Variants in TBL1X observed in about 807,000 individuals in gnomAD.
TBL1X encodes the protein transducin beta like 1 X-linked.
Under a neutral mutation model 50.7 loss-of-function variants are expected in TBL1X, and 10 were observed. The ratio of observed to expected loss-of-function variants is 0.20; its 90% CI spans 0.12 to 0.33. The LOEUF is 0.33. Among genes scored for constraint, TBL1X ranks in the 10% least tolerant of loss-of-function variants. The pLI is 1.00. For missense variants in TBL1X, 340 were observed against 504.4 expected (o/e 0.67, Z 3.12); for synonymous variants, 190 against 214.7 (o/e 0.88, Z 1.01).
chrX:9,587,567 G>A (rs770606992), intron 2 of TBL1X, among the ~76,000 whole-genome samples: 1 of 111,599 alleles, frequency 9.0e-6, no homozygotes, highest in Admixed American at 9.5e-5. Context: ...TGCTTGCTTT[G>A]GGAGAAAAAT....
chrX:9,710,887 G>GT (rs1424983874), intron 15 of TBL1X, among the ~76,000 whole-genome samples: 2 of 112,029 alleles, frequency 1.8e-5, no homozygotes, highest in African/African-American at 6.5e-5. Flanking sequence ...GGCCTAAAAA[G>GT]TTTTTTAAAT....
chrX:9,502,387 A>G (rs1234873409), intron 2 of TBL1X, among the ~76,000 whole-genome samples: 1 of 112,232 alleles, frequency 8.9e-6, no homozygotes, highest in African/African-American at 3.2e-5. Context: ...GGGGCCACCC[A>G]TTATGTGTCC....
intron 9 of TBL1X, among the ~76,000 whole-genome samples, chrX:9,692,947 G>A (rs1291798579): frequency 1.7e-4 from 19 of 112,504 alleles, no homozygotes; most frequent in Non-Finnish European, 3.8e-5. Context: ...TGACACATGG[G>A]ATGCACACAG....
intron 2 of TBL1X, among the ~76,000 whole-genome samples, chrX:9,503,162 G>A (rs1010814641): frequency 4.5e-5 from 5 of 112,301 alleles, no homozygotes; most frequent in African/African-American, 1.6e-4. Context: ...GACCCACAGA[G>A]AGAAGGAAGA....
intron 1 of TBL1X, among the ~76,000 whole-genome samples, chrX:9,477,494 A>G (rs2081855717): frequency 8.9e-6 from 1 of 111,911 alleles, no homozygotes; most frequent in Admixed American, 9.5e-5. Flanking sequence ...ACTTAGATAC[A>G]TTGTGTATTC....
intron 2 of TBL1X, among the ~76,000 whole-genome samples, chrX:9,550,380 G>A (rs764949944): frequency 1.8e-5 from 2 of 112,113 alleles, no homozygotes; most frequent in South Asian, 3.7e-4. Flanking sequence ...TGATATTTAC[G>A]TAACCTACAA....
At chrX:9,663,965 GAC>G (rs2146609272) in intron 5 of TBL1X, among the ~76,000 whole-genome samples, 1 of 66,055 alleles carries the variant, frequency 1.5e-5, no homozygotes, top group East Asian at 4.5e-4. Context: ...CTTGACCAGA[GAC>G]ACAGTTCCAC....
intron 1 of TBL1X, among the ~76,000 whole-genome samples, chrX:9,491,237 C>T (rs184301049): frequency 0.023 from 2,348 of 104,031 alleles, 73 homozygotes; most frequent in African/African-American, 0.079. Flanking sequence ...CCTGCCTAGG[C>T]CTTCCAAAGT....
chrX:9,660,061 C>T (rs2082888611), intron 5 of TBL1X, among the ~76,000 whole-genome samples: 1 of 112,794 alleles, frequency 8.9e-6, no homozygotes, highest in African/African-American at 3.2e-5. Flanking sequence ...CTCATCAGCC[C>T]TCCGGTGGAT....
chrX:9,551,573 C>T (rs773230796), intron 2 of TBL1X, among the ~76,000 whole-genome samples: 1 of 111,271 alleles, frequency 9.0e-6, no homozygotes, highest in South Asian at 3.8e-4. Context: ...CCCTCAGCTT[C>T]CTGGTGTGGA....
At chrX:9,469,781 C>G (rs2081801355) in intron 1 of TBL1X, among the ~76,000 whole-genome samples, 1 of 111,959 alleles carries the variant, frequency 8.9e-6, no homozygotes, top group East Asian at 2.8e-4. Flanking sequence ...TCACCCCCCC[C>G]AGCCCCGAAT....
intron 2 of TBL1X, among the ~76,000 whole-genome samples, chrX:9,568,562 G>A (rs1424249572): frequency 9.4e-6 from 1 of 106,341 alleles, no homozygotes; most frequent in East Asian, 2.9e-4. Flanking sequence ...TCTGTGTGGT[G>A]TGCTCTGTGT....
chrX:9,546,678 C>G (rs1370208563), intron 2 of TBL1X, among the ~76,000 whole-genome samples: 3 of 111,234 alleles, frequency 2.7e-5, no homozygotes, highest in Non-Finnish European at 5.7e-5. Context: ...TGATCTAGTA[C>G]ATTTTTGGTC....
chrX:9,560,060 C>T (rs773429329), intron 2 of TBL1X, among the ~76,000 whole-genome samples: 2 of 111,781 alleles, frequency 1.8e-5, no homozygotes, highest in Non-Finnish European at 3.8e-5. Context: ...ATATCCTTCA[C>T]CCCATTTTTA....
At chrX:9,486,372 T>C (rs780511583) in intron 1 of TBL1X, among the ~76,000 whole-genome samples, 1 of 110,046 alleles carries the variant, frequency 9.1e-6, no homozygotes, top group South Asian at 4.0e-4. Context: ...CAGCTAGGAC[T>C]ACAGGTGTGT....
intron 2 of TBL1X, among the ~76,000 whole-genome samples, chrX:9,565,250 T>C (rs1372362916): frequency 3.3e-4 from 24 of 73,465 alleles, no homozygotes; most frequent in South Asian, 2.6e-3. Context: ...CCAGCCTGGG[T>C]GGCAGAGCGA....
At chrX:9,628,620 C>T (rs897283149) in intron 2 of TBL1X, among the ~76,000 whole-genome samples, 1 of 108,468 alleles carries the variant, frequency 9.2e-6, no homozygotes, top group Non-Finnish European at 1.9e-5. Context: ...GATCTCAGCT[C>T]ACTGGCAACC....
At chrX:9,548,867 G>C (rs994137121) in intron 2 of TBL1X, among the ~76,000 whole-genome samples, 12 of 112,898 alleles carry the variant, frequency 1.1e-4, no homozygotes, top group African/African-American at 3.9e-4. Context: ...TTCTTGATAC[G>C]CACATTTATG....
rs775166743 is a variant in TBL1X, at chrX:9,688,094, G to A, written c.435G>A (p.Thr145=). 1.8e-5 allele frequency: 22 copies of A among 1,209,828 alleles called. No individual in the cohort carries two copies. In the African/African-American group the frequency reaches 2.8e-4, roughly 15 times the overall value. Reference sequence around the variant, plus strand: ...CCGTGATGCCCGACGTGGTGCAGACGCGGCAGCAGGCATTCCGAGAGAAGC... The same window carrying A: ...CCGTGATGCCCGACGTGGTGCAGACACGGCAGCAGGCATTCCGAGAGAAGC... ...IDAVMPDVVQ[T]RQQAFREKLA... is the part of the protein sequence containing the mutation. The change falls in exon 7 of 18, where the codon ACG becomes ACA. Residue 145 remains threonine, a synonymous_variant. Coordinates refer to ENST00000645353, the MANE Select transcript of TBL1X (RefSeq NM_005647.4).
Sources: allele counts gnomAD v4.1 joint callset (sites outside exome capture counted in the v4.1 genomes callset), GRCh38; gene constraint gnomAD v4.1.1; transcripts MANE v1.5; gene names NCBI Gene and HGNC (gene_info 2026-07-23, HGNC 2026-07-21).